Variants in ZNF679 observed in about 807,000 individuals in gnomAD.
ZNF679 encodes zinc finger protein 679, also known as hypothetical protein MGC42415.
In ZNF679, 10 loss-of-function variants were observed where a neutral mutation model predicts 13.4. The observed-to-expected ratio is 0.75, with a 90% CI of 0.46 to 1.27. The LOEUF is 1.27. ZNF679 is among the 50% of genes most tolerant of loss of function. The probability of loss-of-function intolerance (pLI) is 0.00; values close to 1 mark genes in which losing one functional copy is unlikely to be tolerated. For missense variants in ZNF679, 525 were observed against 477.8 expected (o/e 1.10, Z -0.92); for synonymous variants, 179 against 162.5 (o/e 1.10, Z -0.77).
At chr7:64,248,169 C>T (rs940970507) in intron 1 of ZNF679, among the ~76,000 whole-genome samples, 1 of 152,040 alleles carries the variant, frequency 6.6e-6, no homozygotes, top group Non-Finnish European at 1.5e-5. Context: ...GGGAACATGC[C>T]ACATTTTAAA....
intron 2 of ZNF679, among the ~76,000 whole-genome samples, chr7:64,253,201 T>G (rs954086690): frequency 2.0e-5 from 3 of 152,202 alleles, no homozygotes; most frequent in Non-Finnish European, 4.4e-5. Context: ...ATAAGCACCT[T>G]AACATTTTTT....
chr7:64,236,212 C>T (rs1290369907), intron 1 of ZNF679, among the ~76,000 whole-genome samples: 2 of 152,044 alleles, frequency 1.3e-5, no homozygotes, highest in African/African-American at 4.8e-5. Flanking sequence ...TTGCAGTGAG[C>T]TGAGATTGAG....
chr7:64,236,454 A>C (rs1053010936), intron 1 of ZNF679, among the ~76,000 whole-genome samples: 1 of 142,058 alleles, frequency 7.0e-6, no homozygotes, highest in Non-Finnish European at 1.5e-5. Context: ...TTGTGGGGGG[A>C]AAAAAAAAAG....
chr7:64,255,210 C>T (rs753419034), intron 2 of ZNF679, among the ~76,000 whole-genome samples: 1 of 151,986 alleles, frequency 6.6e-6, no homozygotes, highest in Non-Finnish European at 1.5e-5. Context: ...GGACTAAAAA[C>T]TTAGAGAAAA....
At chr7:64,261,860 C>CTTTTTTTTT (rs57119054) in intron 4 of ZNF679, among the ~76,000 whole-genome samples, 2 of 137,384 alleles carry the variant, frequency 1.5e-5, no homozygotes, top group Non-Finnish European at 3.1e-5. Context: ...TTCTTTCTTT[C>CTTTTTTTTT]TTTTTTTTTT....
rs78910755 is a variant in ZNF679 at position 64,265,926 on chromosome 7, C to T, written c.293C>T (p.Pro98Leu). Residue 98 changes from proline (P) to leucine (L), a missense_variant, in exon 5 of 5, where the codon CCG (proline) becomes CTG (leucine). Coordinates refer to ENST00000421025, the MANE Select transcript of ZNF679 (RefSeq NM_153363.3). ...VMCSHFTQDL[P>L]PELGIKDSLQ... ...TGTTCTCATTTCACCCAAGACCTTC[C>T]GCCAGAGCTAGGCATAAAAGATTCA... The T allele has an allele frequency of 1.8e-3, 2,970 of 1,613,566 alleles. 49 individuals are homozygous for T. In the Middle Eastern group the frequency reaches 0.024, roughly 13 times the overall value.
At chr7:64,236,600 A>T (rs988323193) in intron 1 of ZNF679, among the ~76,000 whole-genome samples, 1 of 151,964 alleles carries the variant, frequency 6.6e-6, no homozygotes, top group Non-Finnish European at 1.5e-5. Flanking sequence ...GCCTGGCCAA[A>T]ATGGCGAAAC....
chr7:64,244,726 C>T (rs1042418365), intron 1 of ZNF679, among the ~76,000 whole-genome samples: 15 of 152,198 alleles, frequency 9.9e-5, no homozygotes, highest in African/African-American at 3.6e-4. Context: ...GAACCCTGAA[C>T]TCGGGCTGCC....
At position 64,266,717 on chromosome 7, in the gene ZNF679, G is replaced by T; in HGVS notation, c.1084G>T (p.Ala362Ser). The T allele has an allele frequency of 2.5e-6, 4 of 1,612,192 alleles. No homozygotes were observed. Among genetic ancestry groups the T allele is most frequent in the Non-Finnish European group, 3.4e-6 (4 of 1,179,202 alleles). ...ATGTAAAGAATGTGGGAAAGCCTTTGCCTTCTCCTCAACTCTTAATACTCA... is the reference window on the plus strand; with the variant it reads ...ATGTAAAGAATGTGGGAAAGCCTTTTCCTTCTCCTCAACTCTTAATACTCA... ...YKCKECGKAF[A>S]FSSTLNTHKR... The change falls in exon 5 of 5, where the codon GCC becomes TCC. Residue 362 changes from alanine to serine, a missense_variant. Ala to Ser is a moderately conservative substitution (Grantham distance 99, BLOSUM62 1). Transcript: ENST00000421025.
chr7:64,249,722 A>G (rs1766514469), intron 2 of ZNF679, among the ~76,000 whole-genome samples: 2 of 152,190 alleles, frequency 1.3e-5, no homozygotes, highest in Admixed American at 1.3e-4. Context: ...TGGTAAAGTT[A>G]TGTCGTTTCC....
At chr7:64,236,942 A>AAAGAAAGAAAG (rs1787727060) in intron 1 of ZNF679, among the ~76,000 whole-genome samples, 1 of 45,650 alleles carries the variant, frequency 2.2e-5, no homozygotes. Flanking sequence ...AGAAAGAAAG[A>AAAGAAAGAAAG]AAGAAAGAAA....
chr7:64,248,488 G>A (rs1050074593), intron 1 of ZNF679, among the ~76,000 whole-genome samples: 11 of 151,858 alleles, frequency 7.2e-5, no homozygotes, highest in African/African-American at 2.4e-4. Context: ...CACCGTATTG[G>A]CCAGGCTGGT....
chr7:64,256,208 C>T (rs1022737008), intron 2 of ZNF679, among the ~76,000 whole-genome samples: 10 of 152,154 alleles, frequency 6.6e-5, no homozygotes, highest in Non-Finnish European at 7.3e-5. Flanking sequence ...CTAAAAATGA[C>T]GGTCTCCTGC....
intron 1 of ZNF679, among the ~76,000 whole-genome samples, chr7:64,230,095 C>G (rs972006118): frequency 6.6e-6 from 1 of 152,150 alleles, no homozygotes; most frequent in Non-Finnish European, 1.5e-5. Context: ...GAAGCAGGAC[C>G]CAGGCAGAAG....
intron 2 of ZNF679, among the ~76,000 whole-genome samples, chr7:64,250,213 T>C (rs1787926981): frequency 1.3e-5 from 2 of 151,874 alleles, no homozygotes; most frequent in Non-Finnish European, 2.9e-5. Flanking sequence ...CTTAGTCTAA[T>C]TGCCTGCTGT....
intron 1 of ZNF679, among the ~76,000 whole-genome samples, chr7:64,240,872 C>T (rs1455520584): frequency 2.0e-5 from 3 of 152,146 alleles, no homozygotes; most frequent in South Asian, 4.1e-4. Context: ...AATCAATGCA[C>T]GAGAGCCCAA....
chr7:64,250,235 T>C (rs576481223), intron 2 of ZNF679, among the ~76,000 whole-genome samples: 1 of 151,718 alleles, frequency 6.6e-6, no homozygotes, highest in Non-Finnish European at 1.5e-5. Context: ...TAAATATTTT[T>C]ATACTCTACA....
At position 64,249,052 on chromosome 7, in the gene ZNF679, T is replaced by G. The variant is rs368170297; in HGVS notation, c.-66T>G. ...GAGCTCCAGTTCTTCTCTTCACTGC[T>G]CTGCGTCCTCTGTTCCTAGAGGCCA... On this transcript the variant is annotated 5_prime_UTR_variant, in exon 2 of 5. Coordinates refer to ENST00000421025, the MANE Select transcript of ZNF679 (RefSeq NM_153363.3). The G allele has an allele frequency of 1.2e-3, 1,920 of 1,609,712 alleles. 2 individuals carry two copies. Among genetic ancestry groups the G allele is most frequent in the Non-Finnish European group, 1.5e-3 (1,742 of 1,177,498 alleles).
chr7:64,238,390 A>C lies in ZNF679; in HGVS notation c.-91+9738A>C, dbSNP rs576214941. Among the ~76,000 whole-genome samples, 8 of 152,120 alleles carry C rather than the reference A, an allele frequency of 5.3e-5. No homozygotes were observed. In the South Asian group the frequency reaches 6.2e-4, roughly 12 times the overall value. ...TTATGTTTGGTGCTTCCCCCATTGC[A>C]ACACTATTAATTTTATTTGAAACAG... On this transcript the variant is annotated intron_variant, in intron 1 of 4. Transcript: ENST00000421025.
Sources: gnomAD v4.1 joint callset for allele counts (sites outside exome capture counted in the v4.1 genomes callset) on GRCh38, gnomAD v4.1.1 for gene constraint, MANE v1.5 for transcripts, NCBI Gene and HGNC (gene_info 2026-07-23, HGNC 2026-07-21) for gene names.